The following POC1A variants were observed in gnomAD, a reference collection of about 807,000 sequenced individuals.
The protein encoded by POC1A is POC1 centriolar protein homolog A.
In POC1A, 34 loss-of-function variants were observed where a neutral mutation model predicts 47.8. The ratio of observed to expected loss-of-function variants is 0.71; its 90% CI spans 0.54 to 0.95. POC1A has a LOEUF of 0.95. Ranked by LOEUF, POC1A falls within the 40% of genes least tolerant of loss-of-function variation. POC1A has a pLI of 0.00. For synonymous variants in POC1A, 177 were observed against 207.6 expected, an observed-to-expected ratio of 0.85 and a Z score of 1.27; for missense variants, 466 against 528.3, an observed-to-expected ratio of 0.88 and a Z score of 1.16.
intron 10 of POC1A, among the ~76,000 whole-genome samples, chr3:52,078,795 G>A (rs567090122): frequency 7.9e-5 from 12 of 152,334 alleles, no homozygotes; most frequent in East Asian, 3.9e-4. Flanking sequence ...CCCTGCGCCC[G>A]GCTGAAACAT....
chr3:52,125,107 A>G lies in POC1A; in HGVS notation c.882+6T>C, dbSNP rs760138881. The stretch of plus-strand genomic sequence containing the variant: ...TCACCATTCCATTCGACTACTCTTT[A>G]CTTACTTGTTCATCAGAGCCTCCAG... On this transcript the variant is annotated splice_donor_region_variant and intron_variant, in intron 8 of 10. Transcript: ENST00000296484. The G allele has an allele frequency of 6.3e-7, 1 of 1,599,972 alleles. No individual in the cohort carries two copies. Among genetic ancestry groups the G allele is most frequent in the Non-Finnish European group, 8.6e-7 (1 of 1,167,156 alleles).
intron 1 of POC1A, among the ~76,000 whole-genome samples, chr3:52,151,551 C>A (rs558911569): frequency 7.9e-4 from 116 of 146,554 alleles, no homozygotes; most frequent in African/African-American, 2.8e-3. Context: ...GCGGAGCTTG[C>A]AGTGAGCAGA....
chr3:52,144,414 A>G (rs1051987567), intron 6 of POC1A, among the ~76,000 whole-genome samples: 3 of 152,136 alleles, frequency 2.0e-5, no homozygotes, highest in African/African-American at 4.8e-5. Context: ...AGGGCTTCCT[A>G]TGGAGGGGGG....
chr3:52,112,786 C>T (rs552484696), intron 9 of POC1A, among the ~76,000 whole-genome samples: 11 of 152,318 alleles, frequency 7.2e-5, no homozygotes, highest in African/African-American at 1.2e-4. Context: ...GTACCCACGA[C>T]GAGTCATAGA....
Position 52,096,549 on chromosome 3 carries a change from G to A in POC1A, c.1125+20C>T, listed in dbSNP as rs1416821100. 1.3e-6 allele frequency: 2 copies of A among 1,528,600 alleles called. No homozygotes were observed. Among genetic ancestry groups the A allele is most frequent in the Non-Finnish European group, 1.8e-6 (2 of 1,136,968 alleles). The allele number at this position is 1,528,600 out of a possible 1,614,324, so 94.7% of individuals were successfully genotyped here. A position where few individuals can be genotyped will look rare whatever the true frequency, so the allele number is the denominator to read the frequency against. On this transcript the variant is annotated intron_variant, in intron 10 of 10. Coordinates refer to ENST00000296484, the MANE Select transcript of POC1A (RefSeq NM_015426.5). ...AAGTGCAGATGACGGGATGACGGGT[G>A]AACCCACAGTGTGGCCTACCTGAGT... is the stretch of plus-strand genomic sequence containing the variant.
chr3:52,132,605 G>A (rs1284667533), intron 7 of POC1A, among the ~76,000 whole-genome samples: 2 of 152,126 alleles, frequency 1.3e-5, no homozygotes, highest in Non-Finnish European at 2.9e-5. Flanking sequence ...GATTTGAGAG[G>A]CAGAGGGCCC....
intron 9 of POC1A, 39 bp downstream of exon 9, chr3:52,122,340 G>A (rs1703809796): frequency 1.0e-5 from 12 of 1,182,894 alleles, no homozygotes; most frequent in Non-Finnish European, 1.5e-5. Context: ...TAGCCCACCA[G>A]AGTCACAGAG....
At chr3:52,114,338 C>A (rs1392638283) in intron 9 of POC1A, among the ~76,000 whole-genome samples, 1 of 152,200 alleles carries the variant, frequency 6.6e-6, no homozygotes, top group African/African-American at 2.4e-5. Context: ...GGAGACGCCC[C>A]ACAGAACTGG....
At chr3:52,139,622 A>G (rs936955865) in intron 6 of POC1A, among the ~76,000 whole-genome samples, 4 of 152,128 alleles carry the variant, frequency 2.6e-5, no homozygotes, top group African/African-American at 4.8e-5. Flanking sequence ...CAAGCCTCCC[A>G]TCGGTTCACT....
intron 9 of POC1A, among the ~76,000 whole-genome samples, chr3:52,106,985 G>A (rs1218007286): frequency 6.6e-6 from 1 of 152,260 alleles, no homozygotes; most frequent in Non-Finnish European, 1.5e-5. Context: ...TGTCCGACAT[G>A]CCCCCAGGAG....
Position 52,117,080 on chromosome 3 carries a change from C to T in POC1A, c.981+5299G>A, listed in dbSNP as rs186289994. 1.6e-3 allele frequency among the ~76,000 whole-genome samples: 246 copies of T among 151,802 alleles called. 1 individual carries two copies. Among genetic ancestry groups the T allele is most frequent in the Non-Finnish European group, 3.1e-3 (210 of 67,944 alleles). ...GTGCACGCTTGTATTCCCAGCTACT[C>T]GGGAGGCTGAGGCACAAGAATCTCT... On this transcript the variant is annotated intron_variant, in intron 9 of 10. Coordinates refer to ENST00000296484, the MANE Select transcript of POC1A (RefSeq NM_015426.5).
At chr3:52,128,807 G>A (rs893791895) in intron 7 of POC1A, among the ~76,000 whole-genome samples, 1 of 152,090 alleles carries the variant, frequency 6.6e-6, no homozygotes, top group African/African-American at 2.4e-5. Flanking sequence ...TCTTAATTCA[G>A]GTATTTTCAA....
intron 10 of POC1A, among the ~76,000 whole-genome samples, chr3:52,078,326 T>G (rs577003312): frequency 7.2e-5 from 11 of 151,976 alleles, no homozygotes; most frequent in Non-Finnish European, 1.3e-4. Context: ...GCTTTTTGGA[T>G]TTCTGTACAT....
At chr3:52,089,574 G>A (rs1210900368) in intron 10 of POC1A, among the ~76,000 whole-genome samples, 1 of 152,144 alleles carries the variant, frequency 6.6e-6, no homozygotes, top group Non-Finnish European at 1.5e-5. Flanking sequence ...CTGATGCAGA[G>A]AGGGGGCCCA....
At chr3:52,111,356 G>C (rs1703373100) in intron 9 of POC1A, among the ~76,000 whole-genome samples, 1 of 152,130 alleles carries the variant, frequency 6.6e-6, no homozygotes, top group Admixed American at 6.6e-5. Flanking sequence ...CTCTTCAAGA[G>C]GCTCTGCAGG....
intron 9 of POC1A, among the ~76,000 whole-genome samples, chr3:52,101,188 T>A (rs1424410376): frequency 1.3e-5 from 2 of 151,234 alleles, no homozygotes; most frequent in East Asian, 1.9e-4. Context: ...CATGCCCCTC[T>A]GAGGGGCATG....
chr3:52,106,655 C>A (rs1251506144), intron 9 of POC1A, among the ~76,000 whole-genome samples: 2 of 152,174 alleles, frequency 1.3e-5, no homozygotes, highest in Admixed American at 1.3e-4. Context: ...TCCCCGTCCC[C>A]TCTCAGAAAG....
chr3:52,148,592 T>G (rs1698445992), intron 4 of POC1A, among the ~76,000 whole-genome samples: 1 of 152,256 alleles, frequency 6.6e-6, no homozygotes, highest in South Asian at 2.1e-4. Flanking sequence ...TGCACAGCAC[T>G]GGCTCCCTGG....
chr3:52,097,249 G>A (rs749867919), intron 9 of POC1A, among the ~76,000 whole-genome samples: 6 of 152,304 alleles, frequency 3.9e-5, no homozygotes, highest in South Asian at 2.1e-4. Context: ...TGTGTGTGGC[G>A]GGGAGAGGGG....
Sources: allele counts gnomAD v4.1 joint callset (sites outside exome capture counted in the v4.1 genomes callset), GRCh38; gene constraint gnomAD v4.1.1; transcripts MANE v1.5; gene names NCBI Gene and HGNC (gene_info 2026-07-23, HGNC 2026-07-21).